SOX5: variants seen among roughly 807,000 people sequenced by gnomAD.
SOX5 encodes the protein SRY-box transcription factor 5.
In SOX5, 9 loss-of-function variants were observed where a neutral mutation model predicts 92.0. The ratio of observed to expected loss-of-function variants is 0.10; its 90% CI spans 0.06 to 0.17. The LOEUF is 0.17. SOX5 is among the 10% of genes least tolerant of loss of function. SOX5 has a pLI of 1.00. For synonymous variants in SOX5, 344 were observed against 336.3 expected (o/e 1.02, Z -0.25); for missense variants, 642 against 944.5 (o/e 0.68, Z 4.20).
intron 1 of SOX5, among the ~76,000 whole-genome samples, chr12:24,522,051 AAG>A (rs1004602647): frequency 5.3e-5 from 8 of 151,986 alleles, no homozygotes; most frequent in African/African-American, 1.9e-4. Context: ...CACCAAGAAA[AAG>A]AGAGAGAAGA....
At chr12:24,315,769 C>T (rs1949638886) in intron 2 of SOX5, among the ~76,000 whole-genome samples, 1 of 152,184 alleles carries the variant, frequency 6.6e-6, no homozygotes. Context: ...GAAAGTAGTT[C>T]AGATAAAAAC....
intron 4 of SOX5, among the ~76,000 whole-genome samples, chr12:24,087,769 A>AT (rs34022793): frequency 1.4e-3 from 217 of 150,340 alleles, no homozygotes; most frequent in Middle Eastern, 3.4e-3. Flanking sequence ...ATTGTTAAAC[A>AT]TTTTTTTTTT....
intron 2 of SOX5, among the ~76,000 whole-genome samples, chr12:23,883,492 C>T (rs933848774): frequency 2.6e-5 from 4 of 152,160 alleles, no homozygotes; most frequent in African/African-American, 7.2e-5. Flanking sequence ...CTATTCAGTG[C>T]TCGCTATGTG....
At chr12:24,193,706 C>G (rs1565627772) in intron 4 of SOX5, among the ~76,000 whole-genome samples, 3 of 152,150 alleles carry the variant, frequency 2.0e-5, no homozygotes, top group African/African-American at 7.2e-5. Context: ...CACTATCACA[C>G]TAACTTATTT....
chr12:23,900,333 G>C (rs1362390293), intron 1 of SOX5, among the ~76,000 whole-genome samples: 1 of 152,148 alleles, frequency 6.6e-6, no homozygotes, highest in Non-Finnish European at 1.5e-5. Context: ...AAATGTGACA[G>C]TAAATAGAAA....
chr12:24,455,695 G>A (rs1245491484), intron 1 of SOX5, among the ~76,000 whole-genome samples: 1 of 152,192 alleles, frequency 6.6e-6, no homozygotes, highest in Non-Finnish European at 1.5e-5. Context: ...GGCTGAGTAT[G>A]AGTCAATGAC....
intron 1 of SOX5, among the ~76,000 whole-genome samples, chr12:24,410,540 C>A (rs1462353036): frequency 6.6e-6 from 1 of 152,182 alleles, no homozygotes; most frequent in Non-Finnish European, 1.5e-5. Context: ...ATGTCCAAAT[C>A]ACTCCAAGAA....
chr12:24,233,387 C>G lies in SOX5; in HGVS notation c.-76-19970G>C, dbSNP rs76578305. ...ACAAATATAAAGAAAAATTTACAAGCAAAAAGTATGCCACAGAAACACAGA... is the reference window on the plus strand; with the variant it reads ...ACAAATATAAAGAAAAATTTACAAGGAAAAAGTATGCCACAGAAACACAGA... On this transcript the variant is annotated intron_variant, in intron 3 of 4. Coordinates refer to the SOX5 transcript ENST00000446891. Among the ~76,000 whole-genome samples, 1,400 of 151,828 alleles carry G rather than the reference C, an allele frequency of 9.2e-3. 26 individuals carry two copies. Among genetic ancestry groups the G allele is most frequent in the African/African-American group, 0.032 (1,341 of 41,420 alleles).
intron 1 of SOX5, among the ~76,000 whole-genome samples, chr12:24,403,600 T>C (rs1962250369): frequency 6.6e-6 from 1 of 152,228 alleles, no homozygotes; most frequent in African/African-American, 2.4e-5. Flanking sequence ...TCTTTGAGCC[T>C]GACTCTAATT....
At chr12:24,064,372 A>C (rs1177488252) in intron 4 of SOX5, among the ~76,000 whole-genome samples, 1 of 152,202 alleles carries the variant, frequency 6.6e-6, no homozygotes, top group Non-Finnish European at 1.5e-5. Context: ...TTCTAAATTG[A>C]CTTTTGAACA....
intron 1 of SOX5, among the ~76,000 whole-genome samples, chr12:24,390,865 T>C (rs1269027675): frequency 6.6e-6 from 1 of 152,182 alleles, no homozygotes; most frequent in Non-Finnish European, 1.5e-5. Flanking sequence ...ATCTTTGCCA[T>C]TGTGAATAGT....
chr12:24,486,044 C>T (rs939106496), intron 1 of SOX5, among the ~76,000 whole-genome samples: 4 of 152,172 alleles, frequency 2.6e-5, no homozygotes, highest in Non-Finnish European at 5.9e-5. Flanking sequence ...CCTCAATCTC[C>T]TAGGCCCAAG....
chr12:24,214,192 T>C (rs956813858), intron 3 of SOX5, among the ~76,000 whole-genome samples: 7 of 152,016 alleles, frequency 4.6e-5, no homozygotes, highest in Admixed American at 1.3e-4. Context: ...CATAAACCCA[T>C]TGAATAATTT....
intron 1 of SOX5, among the ~76,000 whole-genome samples, chr12:24,426,202 AAAAC>A (rs555590436): frequency 7.2e-5 from 11 of 151,836 alleles, no homozygotes; most frequent in African/African-American, 7.3e-5. Flanking sequence ...TCTTGTCTCA[AAAAC>A]AAACAAACAA....
intron 4 of SOX5, among the ~76,000 whole-genome samples, chr12:24,128,697 GC>G (rs1263576508): frequency 6.6e-6 from 1 of 152,112 alleles, no homozygotes; most frequent in Admixed American, 6.6e-5. Context: ...AACCCGCAGG[GC>G]CTTTTTGGTC....
chr12:24,000,978 C>T (rs1273794302), intron 4 of SOX5, among the ~76,000 whole-genome samples: 1 of 152,110 alleles, frequency 6.6e-6, no homozygotes, highest in Non-Finnish European at 1.5e-5. Flanking sequence ...CAGCAGAATA[C>T]ATACTATTTT....
At chr12:24,451,040 T>C (rs531860334) in intron 1 of SOX5, among the ~76,000 whole-genome samples, 1 of 152,278 alleles carries the variant, frequency 6.6e-6, no homozygotes, top group African/African-American at 2.4e-5. Context: ...ATTGAGAATA[T>C]GTGATATTTG....
chr12:24,120,082 G>C (rs1429271820), intron 4 of SOX5, among the ~76,000 whole-genome samples: 1 of 152,106 alleles, frequency 6.6e-6, no homozygotes, highest in Non-Finnish European at 1.5e-5. Flanking sequence ...TGGGCATTTG[G>C]ATAGCTTCTT....
intron 2 of SOX5, among the ~76,000 whole-genome samples, chr12:24,342,419 T>G (rs1952683289): frequency 1.3e-5 from 2 of 152,248 alleles, no homozygotes; most frequent in Non-Finnish European, 2.9e-5. Context: ...ATATCCTACA[T>G]GCAATACAAA....
Sources: allele counts gnomAD v4.1 joint callset (sites outside exome capture counted in the v4.1 genomes callset), GRCh38; gene constraint gnomAD v4.1.1; transcripts MANE v1.5; gene names NCBI Gene and HGNC (gene_info 2026-07-23, HGNC 2026-07-21).